MALRD1: variants seen among roughly 807,000 people sequenced by gnomAD.
MALRD1 encodes the protein MAM and LDL receptor class A domain containing 1, also known as MAM and LDL-receptor class A domain-containing protein 1.
MALRD1 carries 247 observed loss-of-function variants against 242.1 expected under a neutral mutation model. The observed-to-expected ratio is 1.02, with a 90% CI of 0.92 to 1.13. The LOEUF (loss-of-function observed/expected upper bound fraction) is 1.13. Ranked by LOEUF, MALRD1 falls within the 50% of genes most tolerant of loss-of-function variation. MALRD1 has a pLI of 0.00. For synonymous variants in MALRD1, 995 were observed against 866.6 expected, an observed-to-expected ratio of 1.15 and a Z score of -2.60; for missense variants, 2,989 against 2,533.1, an observed-to-expected ratio of 1.18 and a Z score of -3.86.
chr10:19,104,327 T>C (rs1836386983), intron 5 of MALRD1, among the ~76,000 whole-genome samples: 1 of 152,146 alleles, frequency 6.6e-6, no homozygotes, highest in Non-Finnish European at 1.5e-5. Flanking sequence ...TGTAGCAATG[T>C]TTACAACGGC....
intron 21 of MALRD1, among the ~76,000 whole-genome samples, chr10:19,294,646 G>A (rs1841605898): frequency 6.6e-6 from 1 of 152,054 alleles, no homozygotes; most frequent in African/African-American, 2.4e-5. Flanking sequence ...TGTGTGCTTG[G>A]TTGTATGTCT....
At chr10:19,158,652 T>C (rs185717898) in intron 12 of MALRD1, among the ~76,000 whole-genome samples, 1 of 152,362 alleles carries the variant, frequency 6.6e-6, no homozygotes, top group East Asian at 1.9e-4. Flanking sequence ...ATATTGCTTA[T>C]CTACTGTGTG....
intron 26 of MALRD1, among the ~76,000 whole-genome samples, chr10:19,364,838 C>T (rs1221013489): frequency 1.3e-5 from 2 of 152,140 alleles, no homozygotes; most frequent in East Asian, 1.9e-4. Context: ...TAATTTTTAA[C>T]TCTATCATTG....
rs59368317 is a variant in MALRD1, at chr10:19,087,546, C to CT, written c.341-280dup. 3.3e-3 allele frequency among the ~76,000 whole-genome samples: 478 copies of CT among 144,048 alleles called. 7 individuals carry two copies. The highest frequency in any genetic ancestry group is 0.02 in the East Asian group (96 of 4,820). 94.5% of individuals were successfully genotyped at this position (144,048 alleles called of 152,430 possible). A position where few individuals can be genotyped will look rare whatever the true frequency, so the allele number is the denominator to read the frequency against. On this transcript the variant is annotated intron_variant, in intron 2 of 39. Coordinates refer to ENST00000454679, the MANE Select transcript of MALRD1 (RefSeq NM_001142308.3). Reference sequence around the variant, plus strand: ...CTGAATCTAACACGTTGTCTCGTTTCTTTTTTTTTTTTTTAAGTTTTGTAG... The same window carrying CT: ...CTGAATCTAACACGTTGTCTCGTTTCTTTTTTTTTTTTTTTAAGTTTTGTAG...
chr10:19,705,264 C>G lies in MALRD1; in HGVS notation c.6314+12710C>G, dbSNP rs115418343. ...ATGAATATTTATCCTTAGCAAAAATCAAAATCTTGCTTACTCTATACCTCA... is the reference window on the plus strand; with the variant it reads ...ATGAATATTTATCCTTAGCAAAAATGAAAATCTTGCTTACTCTATACCTCA... On this transcript the variant is annotated intron_variant, in intron 38 of 39. Transcript: ENST00000454679. Among the ~76,000 whole-genome samples the G allele has an allele frequency of 7.3e-3, 1,112 of 152,222 alleles. 13 individuals carry two copies. The highest frequency in any genetic ancestry group is 0.023 in the African/African-American group (965 of 41,548).
At chr10:19,638,137 G>A (rs557983163) in intron 36 of MALRD1, among the ~76,000 whole-genome samples, 2 of 145,572 alleles carry the variant, frequency 1.4e-5, no homozygotes, top group African/African-American at 2.5e-5. Context: ...AATAGAATTC[G>A]GTACCCATGG....
intron 38 of MALRD1, among the ~76,000 whole-genome samples, chr10:19,712,919 T>C (rs1201087956): frequency 6.6e-6 from 1 of 152,240 alleles, no homozygotes; most frequent in Non-Finnish European, 1.5e-5. Flanking sequence ...ACAGAGCCAC[T>C]CAAATGCTGT....
In MALRD1 at chr10:19,663,564, A is replaced by C. The variant is rs550788911; in HGVS notation, c.6138-28718A>C. Among the ~76,000 whole-genome samples, 92 of 152,096 alleles carry C rather than the reference A, an allele frequency of 6.0e-4. 1 individual carries two copies. The highest frequency in any genetic ancestry group is 1.1e-3 in the Non-Finnish European group (73 of 68,000). The stretch of plus-strand genomic sequence containing the variant: ...TAGCCAGTAGAGGGAGTGCAGAATC[A>C]ATTAGTGGTTCTAGTTTTAGTTCTT... On this transcript the variant is annotated intron_variant, in intron 36 of 39. Coordinates refer to ENST00000454679, the MANE Select transcript of MALRD1 (RefSeq NM_001142308.3).
At chr10:19,654,058 T>C (rs1309404732) in intron 36 of MALRD1, among the ~76,000 whole-genome samples, 1 of 152,166 alleles carries the variant, frequency 6.6e-6, no homozygotes, top group Admixed American at 6.6e-5. Context: ...ACATTAAAAA[T>C]AGGCAGCCAT....
At chr10:19,398,522 A>G (rs181696242) in intron 28 of MALRD1, among the ~76,000 whole-genome samples, 4 of 152,250 alleles carry the variant, frequency 2.6e-5, no homozygotes, top group Admixed American at 1.3e-4. Context: ...TACCATTACT[A>G]TTGGTGAGGA....
intron 36 of MALRD1, among the ~76,000 whole-genome samples, chr10:19,647,709 G>T (rs1840713987): frequency 6.6e-6 from 1 of 152,110 alleles, no homozygotes; most frequent in African/African-American, 2.4e-5. Flanking sequence ...GTGTCAAAAA[G>T]ATTGGCAAGA....
At chr10:19,135,919 C>T (rs1443151850) in intron 9 of MALRD1, among the ~76,000 whole-genome samples, 1 of 152,180 alleles carries the variant, frequency 6.6e-6, no homozygotes, top group Non-Finnish European at 1.5e-5. Context: ...TATTGCTTAT[C>T]TCCAGAAAAG....
chr10:19,435,799 C>T (rs1009968612), intron 28 of MALRD1, among the ~76,000 whole-genome samples: 13 of 152,224 alleles, frequency 8.5e-5, no homozygotes, highest in East Asian at 1.9e-4. Flanking sequence ...GTGCAGCCCA[C>T]GCTCAAGGAG....
chr10:19,176,383 TTTG>T, intron 14 of MALRD1, among the ~76,000 whole-genome samples: 1 of 127,224 alleles, frequency 7.9e-6, no homozygotes, highest in Non-Finnish European at 1.7e-5. Flanking sequence ...TTTTTTTTTT[TTTG>T]AGACGGAGTC....
rs1198896770 is a variant in MALRD1, at chr10:19,270,332, T to TCA, written c.3080-9714_3080-9713insAC. Among the ~76,000 whole-genome samples, 8 of 72,670 alleles carry TCA rather than the reference T, an allele frequency of 1.1e-4. No homozygotes were observed. The East Asian group carries it at 1.6e-3, about 15-fold the overall frequency. 47.7% of individuals were successfully genotyped at this position (72,670 alleles called of 152,430 possible). A position where few individuals can be genotyped will look rare whatever the true frequency, so the allele number is the denominator to read the frequency against. On this transcript the variant is annotated intron_variant, in intron 19 of 39. Coordinates refer to ENST00000454679, the MANE Select transcript of MALRD1 (RefSeq NM_001142308.3). ...TCTCTCTCTCTTCTCTCTCTCTCTC[T>TCA]CTCTCACACACACACACACACACAC...
chr10:19,154,575 G>T (rs1470383748), intron 11 of MALRD1, among the ~76,000 whole-genome samples: 3 of 152,158 alleles, frequency 2.0e-5, no homozygotes, highest in Non-Finnish European at 2.9e-5. Flanking sequence ...TCTAAAAGCG[G>T]TGATTTTGTT....
intron 38 of MALRD1, among the ~76,000 whole-genome samples, chr10:19,727,890 A>G (rs1337096887): frequency 6.6e-6 from 1 of 152,108 alleles, no homozygotes; most frequent in African/African-American, 2.4e-5. Flanking sequence ...CATTTTAAGT[A>G]AAATTGCCTG....
chr10:19,412,208 T>C (rs938563273), intron 28 of MALRD1, among the ~76,000 whole-genome samples: 2 of 152,168 alleles, frequency 1.3e-5, no homozygotes, highest in Admixed American at 6.5e-5. Context: ...GGAGAATCAC[T>C]TGAACTCGGG....
intron 21 of MALRD1, among the ~76,000 whole-genome samples, chr10:19,305,262 A>G (rs1287386195): frequency 6.6e-6 from 1 of 151,674 alleles, no homozygotes; most frequent in Non-Finnish European, 1.5e-5. Context: ...TCTAATCGCA[A>G]TCTAACATTA....
Sources: gnomAD v4.1 joint callset for allele counts (sites outside exome capture counted in the v4.1 genomes callset) on GRCh38, gnomAD v4.1.1 for gene constraint, MANE v1.5 for transcripts, NCBI Gene and HGNC (gene_info 2026-07-23, HGNC 2026-07-21) for gene names.